UROS: variants seen among roughly 807,000 people sequenced by gnomAD.
UROS encodes uroporphyrinogen-III synthase.
In UROS, 18 loss-of-function variants were observed where a neutral mutation model predicts 33.0. The ratio of observed to expected loss-of-function variants is 0.55; its 90% CI spans 0.38 to 0.81. The LOEUF (loss-of-function observed/expected upper bound fraction) is 0.81. UROS is among the 30% of genes least tolerant of loss of function. The pLI is 0.00. For synonymous variants in UROS, 114 were observed against 121.1 expected (o/e 0.94, Z 0.38); for missense variants, 293 against 314.9 (o/e 0.93, Z 0.53).
At chr10:125,787,605 G>A (rs576667682), downstream of UROS, among the ~76,000 whole-genome samples, 25 of 152,250 alleles carry the variant, frequency 1.6e-4, no homozygotes, top group African/African-American at 5.1e-4. Flanking sequence ...CACATTACGT[G>A]GTTCTGATGT....
At chr10:125,802,866 C>T (rs2133872143) in intron 6 of UROS, 1 of 1,545,020 alleles carries the variant, frequency 6.5e-7, no homozygotes, top group Non-Finnish European at 8.7e-7. Context: ...CAGCCCCTTT[C>T]CCTTGGGGCT....
chr10:125,822,513 G>A lies in UROS; in HGVS notation c.-27+516C>T, dbSNP rs1322826042. ...AGTTTTTGTATTTTTAGTAGAGATGGGATTTCGCCATGTTGGGCAGGCTGG... is the reference window on the plus strand; with the variant it reads ...AGTTTTTGTATTTTTAGTAGAGATGAGATTTCGCCATGTTGGGCAGGCTGG... On this transcript the variant is annotated intron_variant, in intron 1 of 9. Coordinates refer to ENST00000368797, the MANE Select transcript of UROS (RefSeq NM_000375.3). Among the ~76,000 whole-genome samples, 5 of 152,048 alleles carry A rather than the reference G, an allele frequency of 3.3e-5. No individual in the cohort carries two copies. The East Asian group carries it at 9.7e-4, about 29-fold the overall frequency.
chr10:125,817,224 ATT>A (rs11431196), intron 1 of UROS, among the ~76,000 whole-genome samples: 10 of 74,084 alleles, frequency 1.3e-4, no homozygotes, highest in East Asian at 9.0e-4. Context: ...TTATAGATGT[ATT>A]TTTTTTTTTT....
At chr10:125,786,355 G>A (rs531926693), downstream of UROS, among the ~76,000 whole-genome samples, 1 of 149,780 alleles carries the variant, frequency 6.7e-6, no homozygotes, top group African/African-American at 2.5e-5. Context: ...TCAGCTCACT[G>A]CAACCTCCAA....
At chr10:125,818,277 G>A (rs1421836053) in intron 1 of UROS, among the ~76,000 whole-genome samples, 1 of 152,084 alleles carries the variant, frequency 6.6e-6, no homozygotes, top group Non-Finnish European at 1.5e-5. Flanking sequence ...GAGAGCAGGA[G>A]TCCAAGATCA....
intron 1 of UROS, among the ~76,000 whole-genome samples, chr10:125,819,457 A>G (rs1039656967): frequency 6.6e-6 from 1 of 152,052 alleles, no homozygotes; most frequent in Admixed American, 6.5e-5. Context: ...ATGGTAAGGG[A>G]TCTCTATGCC....
intron 6 of UROS, among the ~76,000 whole-genome samples, chr10:125,801,278 C>A (rs1253246558): frequency 6.6e-6 from 1 of 152,320 alleles, no homozygotes; most frequent in East Asian, 1.9e-4. Flanking sequence ...CACACAGTTT[C>A]TCTCTCTTTT....
chr10:125,786,258 C>A (rs1281533650), downstream of UROS, among the ~76,000 whole-genome samples: 1 of 151,206 alleles, frequency 6.6e-6, no homozygotes, highest in Non-Finnish European at 1.5e-5. Context: ...TTCTATAGGG[C>A]TGTACATTTG....
At chr10:125,790,352 A>C (rs1002791635) in intron 9 of UROS, among the ~76,000 whole-genome samples, 1 of 152,246 alleles carries the variant, frequency 6.6e-6, no homozygotes, top group Non-Finnish European at 1.5e-5. Flanking sequence ...TAAATCTTCA[A>C]AACACTGAAT....
chr10:125,796,018 C>G (rs1851321211), intron 8 of UROS, 85 bp downstream of exon 8: 5 of 1,213,176 alleles, frequency 4.1e-6, no homozygotes, highest in Non-Finnish European at 6.1e-6. Flanking sequence ...CATATAGAAC[C>G]AACATCTATC....
chr10:125,803,396 G>A (rs1308233007), intron 6 of UROS, among the ~76,000 whole-genome samples: 2 of 152,240 alleles, frequency 1.3e-5, no homozygotes, highest in Non-Finnish European at 1.5e-5. Context: ...AAGCCCTGGA[G>A]CACACTGAGC....
chr10:125,813,928 C>T (rs1286151669), intron 4 of UROS, among the ~76,000 whole-genome samples: 1 of 152,242 alleles, frequency 6.6e-6, no homozygotes, highest in African/African-American at 2.4e-5. Flanking sequence ...GTCACTTACT[C>T]CATGCCCACT....
intron 6 of UROS, among the ~76,000 whole-genome samples, chr10:125,799,724 G>A (rs531531701): frequency 8.5e-5 from 13 of 152,262 alleles, no homozygotes; most frequent in African/African-American, 2.9e-4. Flanking sequence ...GCCCACAAAT[G>A]TCCAACCAGC....
intron 6 of UROS, among the ~76,000 whole-genome samples, chr10:125,801,765 T>A (rs1022453963): frequency 2.0e-5 from 3 of 152,232 alleles, no homozygotes; most frequent in South Asian, 2.1e-4. Context: ...TTAATATCTA[T>A]CCAACCAAGC....
At position 125,788,661 on chromosome 10, in the gene UROS, C is replaced by T; in HGVS notation, c.*207G>A. 7.0e-7 allele frequency: 1 copy of T among 1,426,434 alleles called. No individual in the cohort carries two copies. The highest frequency in any genetic ancestry group is 9.1e-7 in the Non-Finnish European group (1 of 1,094,336). 88.4% of individuals were successfully genotyped at this position (1,426,434 alleles called of 1,614,324 possible). On this transcript the variant is annotated 3_prime_UTR_variant, in exon 10 of 10. Coordinates refer to ENST00000368797, the MANE Select transcript of UROS (RefSeq NM_000375.3). ...AGCTCTCACAGGGCTAGGGTTTAAG[C>T]TGGCTTCCACAGAGGGCAGTCACGT...
At chr10:125,806,916 G>C (rs1852386167) in intron 6 of UROS, among the ~76,000 whole-genome samples, 1 of 152,142 alleles carries the variant, frequency 6.6e-6, no homozygotes, top group Non-Finnish European at 1.5e-5. Context: ...ATTAGTTTAA[G>C]ACTAAGTCCC....
At chr10:125,817,031 C>G (rs928721024) in intron 1 of UROS, among the ~76,000 whole-genome samples, 3 of 152,130 alleles carry the variant, frequency 2.0e-5, no homozygotes, top group Admixed American at 2.0e-4. Flanking sequence ...TTGTTGACAT[C>G]AAAAGCTTTA....
intron 5 of UROS, among the ~76,000 whole-genome samples, chr10:125,810,566 A>C (rs1052618617): frequency 6.6e-6 from 1 of 152,208 alleles, no homozygotes; most frequent in Non-Finnish European, 1.5e-5. Context: ...TGAGATGATA[A>C]ATGCCTGTTT....
chr10:125,817,690 C>T (rs1853464707), intron 1 of UROS, among the ~76,000 whole-genome samples: 1 of 152,012 alleles, frequency 6.6e-6, no homozygotes, highest in African/African-American at 2.4e-5. Context: ...GCATTAAGTC[C>T]ACCTACGAGG....
Sources: gnomAD v4.1 joint callset for allele counts (sites outside exome capture counted in the v4.1 genomes callset) on GRCh38, gnomAD v4.1.1 for gene constraint, MANE v1.5 for transcripts, NCBI Gene and HGNC (gene_info 2026-07-23, HGNC 2026-07-21) for gene names.